ALK: variants seen among roughly 807,000 people sequenced by gnomAD.
ALK encodes ALK tyrosine kinase receptor.
Under a neutral mutation model 163.1 loss-of-function variants are expected in ALK, and 74 were observed. That is an observed-to-expected ratio of 0.45 (90% CI 0.38 to 0.55). ALK has a LOEUF of 0.55. Among genes scored for constraint, ALK ranks in the 20% least tolerant of loss-of-function variants. The pLI, the probability that ALK is intolerant of heterozygous loss-of-function variation, is 0.00. For missense variants in ALK, 2,063 were observed against 2,105.3 expected (o/e 0.98, Z 0.39); for synonymous variants, 960 against 843.2 (o/e 1.14, Z -2.40).
chr2:29,713,262 T>A (rs1234499839), intron 2 of ALK, among the ~76,000 whole-genome samples: 3 of 152,224 alleles, frequency 2.0e-5, no homozygotes. Context: ...GTCTCATTTT[T>A]ATTTGATTGC....
chr2:29,197,938 A>G (rs944328499), intron 26 of ALK, among the ~76,000 whole-genome samples: 1 of 152,188 alleles, frequency 6.6e-6, no homozygotes, highest in African/African-American at 2.4e-5. Context: ...GTTATATTCA[A>G]TATGCAATTT....
intron 5 of ALK, among the ~76,000 whole-genome samples, chr2:29,358,919 T>G (rs1193921574): frequency 6.6e-6 from 1 of 152,070 alleles, no homozygotes; most frequent in Non-Finnish European, 1.5e-5. Flanking sequence ...TTAATAAATG[T>G]TTGGGGAGTA....
chr2:29,863,921 C>T lies in ALK; in HGVS notation c.667+56072G>A, dbSNP rs78621077. ...GCTTTCCCACATTTTCTGGCTTCTC[C>T]TCTTTTATCCCTCAAGACATTTCTC... On this transcript the variant is annotated intron_variant, in intron 1 of 28. Transcript: ENST00000389048. Among the ~76,000 whole-genome samples, 484 of 152,290 alleles carry T rather than the reference C, an allele frequency of 3.2e-3. 1 individual carries two copies. Among genetic ancestry groups the T allele is most frequent in the African/African-American group, 0.011 (449 of 41,558 alleles).
intron 1 of ALK, among the ~76,000 whole-genome samples, chr2:29,755,206 G>C (rs1327695766): frequency 6.6e-6 from 1 of 152,244 alleles, no homozygotes. Context: ...CAGGGGACCA[G>C]CCCTCTTTAG....
intron 1 of ALK, among the ~76,000 whole-genome samples, chr2:29,794,282 G>C (rs1041724753): frequency 6.6e-6 from 1 of 152,070 alleles, no homozygotes; most frequent in East Asian, 1.9e-4. Context: ...ATTGAAGAGA[G>C]TTGAACTTTG....
intron 1 of ALK, among the ~76,000 whole-genome samples, chr2:29,745,287 C>T (rs556341501): frequency 6.6e-6 from 1 of 152,256 alleles, no homozygotes; most frequent in African/African-American, 2.4e-5. Flanking sequence ...TAGATTTTAT[C>T]CCAGATCTGG....
chr2:29,429,447 G>A (rs750089242), intron 4 of ALK, among the ~76,000 whole-genome samples: 3 of 151,900 alleles, frequency 2.0e-5, no homozygotes, highest in Non-Finnish European at 4.4e-5. Context: ...AAGTGGCAAT[G>A]TACAATTCAA....
chr2:29,848,091 C>T (rs528488976), intron 1 of ALK, among the ~76,000 whole-genome samples: 12 of 152,166 alleles, frequency 7.9e-5, no homozygotes, highest in Non-Finnish European at 1.3e-4. Context: ...AGGCTCGGTA[C>T]GCAGCTGCCA....
chr2:29,774,948 T>C (rs924723453), intron 1 of ALK, among the ~76,000 whole-genome samples: 1 of 152,206 alleles, frequency 6.6e-6, no homozygotes, highest in Non-Finnish European at 1.5e-5. Context: ...ATTTATATAG[T>C]TGTTCATTCT....
At chr2:29,262,279 AT>A (rs1446345893) in intron 11 of ALK, among the ~76,000 whole-genome samples, 3 of 152,280 alleles carry the variant, frequency 2.0e-5, no homozygotes, top group Non-Finnish European at 4.4e-5. Flanking sequence ...CAGTTGATGA[AT>A]TTTCCATGCT....
intron 5 of ALK, among the ~76,000 whole-genome samples, chr2:29,376,045 A>T (rs1182191749): frequency 6.6e-6 from 1 of 152,116 alleles, no homozygotes; most frequent in East Asian, 1.9e-4. Flanking sequence ...TAGCCCCGAG[A>T]TAGTCTCCCT....
intron 4 of ALK, among the ~76,000 whole-genome samples, chr2:29,430,992 G>A (rs925016195): frequency 1.3e-5 from 2 of 151,254 alleles, no homozygotes; most frequent in Admixed American, 6.6e-5. Context: ...AAGGCAAGGC[G>A]AGGCTTTTTT....
At chr2:29,705,260 T>TATATATATAA (rs1678867975) in intron 2 of ALK, among the ~76,000 whole-genome samples, 1 of 55,996 alleles carries the variant, frequency 1.8e-5, no homozygotes, top group Non-Finnish European at 3.2e-5. Flanking sequence ...TATATATATA[T>TATATATATAA]ATATATATAT....
At chr2:29,232,788 A>G (rs1285636963) in intron 14 of ALK, among the ~76,000 whole-genome samples, 1 of 152,208 alleles carries the variant, frequency 6.6e-6, no homozygotes, top group East Asian at 1.9e-4. Context: ...AGAGGTCTGG[A>G]TGCTGGTGAT....
rs114975651 is a variant in ALK, at chr2:29,385,306, G to T, written c.1155-1447C>A. Among the ~76,000 whole-genome samples the T allele has an allele frequency of 5.1e-3, 771 of 151,218 alleles. 11 individuals carry two copies. The highest frequency in any genetic ancestry group is 0.017 in the African/African-American group (717 of 41,306). The stretch of plus-strand genomic sequence containing the variant: ...CAACTATTCAGAAAGGCTGATAATG[G>T]AAAGTAAAAGTCACCTAGAATACCA... On this transcript the variant is annotated intron_variant, in intron 4 of 28. Coordinates refer to ENST00000389048, the MANE Select transcript of ALK (RefSeq NM_004304.5).
intron 1 of ALK, among the ~76,000 whole-genome samples, chr2:29,852,720 C>A (rs902646015): frequency 7.2e-5 from 11 of 152,030 alleles, no homozygotes; most frequent in African/African-American, 2.4e-4. Context: ...AGCCTAAATC[C>A]CCAGTGTGAT....
At chr2:29,253,040 T>C (rs1292314968) in intron 11 of ALK, among the ~76,000 whole-genome samples, 1 of 152,112 alleles carries the variant, frequency 6.6e-6, no homozygotes, top group Non-Finnish European at 1.5e-5. Context: ...TCACCCAGGC[T>C]GGAGTGCAGA....
At chr2:29,626,607 G>A (rs4665474) in intron 3 of ALK, among the ~76,000 whole-genome samples, 11,736 of 152,092 alleles carry the variant, frequency 0.077, 754 homozygotes, top group African/African-American at 0.15. Flanking sequence ...TGGGATTTGC[G>A]TCCTGTAATA....
intron 3 of ALK, among the ~76,000 whole-genome samples, chr2:29,652,686 G>C (rs1437538249): frequency 6.6e-6 from 1 of 151,974 alleles, no homozygotes; most frequent in Non-Finnish European, 1.5e-5. Context: ...GATCACCAAT[G>C]GTCAATAATG....
Sources: allele counts gnomAD v4.1 joint callset (sites outside exome capture counted in the v4.1 genomes callset), GRCh38; gene constraint gnomAD v4.1.1; transcripts MANE v1.5; gene names NCBI Gene and HGNC (gene_info 2026-07-23, HGNC 2026-07-21).